Variants in ARHGAP1 observed in about 807,000 individuals in gnomAD.
ARHGAP1 encodes the protein Rho GTPase activating protein 1, also known as rho GTPase-activating protein 1.
Under a neutral mutation model 52.2 loss-of-function variants are expected in ARHGAP1, and 23 were observed. That is an observed-to-expected ratio of 0.44 (90% CI 0.32 to 0.62). The LOEUF is 0.62. Among genes scored for constraint, ARHGAP1 ranks in the 20% least tolerant of loss-of-function variants. The pLI, the probability that ARHGAP1 is intolerant of heterozygous loss-of-function variation, is 0.05. For synonymous variants in ARHGAP1, 210 were observed against 228.4 expected, an observed-to-expected ratio of 0.92 and a Z score of 0.73; for missense variants, 480 against 560.9, an observed-to-expected ratio of 0.86 and a Z score of 1.46.
intron 4 of ARHGAP1, among the ~76,000 whole-genome samples, 160 bp from the exon 5 acceptor site, chr11:46,682,342 T>G (rs1440083396): frequency 6.6e-6 from 1 of 152,140 alleles, no homozygotes; most frequent in East Asian, 1.9e-4. Flanking sequence ...ACCAGGTTGC[T>G]GTGGAGGAGG....
intron 3 of ARHGAP1, 103 bp from the exon 4 acceptor site, chr11:46,688,363 A>C: frequency 8.4e-7 from 1 of 1,196,274 alleles, no homozygotes; most frequent in Non-Finnish European, 1.2e-6. Context: ...GCCAGTTACC[A>C]CAGGGGCCAG....
intron 4 of ARHGAP1, among the ~76,000 whole-genome samples, chr11:46,682,442 G>A (rs2064536144): frequency 6.6e-6 from 1 of 152,228 alleles, no homozygotes; most frequent in Non-Finnish European, 1.5e-5. Flanking sequence ...CCAACACTTT[G>A]GGAGGCCAAG....
chr11:46,695,525 C>G (rs371735455), intron 3 of ARHGAP1, 135 bp downstream of exon 3: 1 of 944,962 alleles, frequency 1.1e-6, no homozygotes, highest in East Asian at 2.6e-5. Flanking sequence ...CACTAGGCCA[C>G]ATGGCTCCCC....
chr11:46,679,348 C>T lies in ARHGAP1; in HGVS notation c.1131+17G>A, dbSNP rs777896991. 1 of 1,613,700 alleles carries T rather than the reference C, an allele frequency of 6.2e-7. No individual in the cohort carries two copies. Among genetic ancestry groups the T allele is most frequent in the Non-Finnish European group, 8.5e-7 (1 of 1,179,728 alleles). On this transcript the variant is annotated intron_variant, in intron 12 of 12. Transcript: ENST00000311956. This position sits in a 1 kb window ranked among gnomAD's most constrained non-coding sequence, Gnocchi z 4.4. ...TTCCCCCTCCCTTCACCCCAGAGGC[C>T]AAGTCCAAGGTCTCACCTGCACCAG...
chr11:46,682,406 G>C (rs1592385200), intron 4 of ARHGAP1, among the ~76,000 whole-genome samples: 1 of 152,218 alleles, frequency 6.6e-6, no homozygotes, highest in Non-Finnish European at 1.5e-5. Flanking sequence ...GCTCTCAGCC[G>C]GGCGCAGTGG....
chr11:46,692,954 G>C (rs923175777), intron 3 of ARHGAP1, among the ~76,000 whole-genome samples: 7 of 151,738 alleles, frequency 4.6e-5, no homozygotes, highest in Non-Finnish European at 2.9e-5. Flanking sequence ...CCGGGTTCAC[G>C]CTATTCTCCT....
intron 3 of ARHGAP1, 117 bp downstream of exon 3, chr11:46,695,543 A>G: frequency 9.0e-7 from 1 of 1,116,560 alleles, no homozygotes; most frequent in Non-Finnish European, 1.3e-6. Context: ...CCCACATGCC[A>G]GGAGCACCAG....
At chr11:46,692,877 G>T (rs1656047355) in intron 3 of ARHGAP1, among the ~76,000 whole-genome samples, 1 of 145,880 alleles carries the variant, frequency 6.9e-6, no homozygotes, top group Non-Finnish European at 1.5e-5. Flanking sequence ...TTTTGAGACG[G>T]CGTCTCGCTC....
intron 1 of ARHGAP1, among the ~76,000 whole-genome samples, chr11:46,697,833 A>G (rs2064667715): frequency 6.6e-6 from 1 of 152,120 alleles, no homozygotes; most frequent in Non-Finnish European, 1.5e-5. Context: ...GCCAAAGCCC[A>G]GCTCCCTCAC....
At chr11:46,684,442 A>G (rs2064552980) in intron 4 of ARHGAP1, among the ~76,000 whole-genome samples, 1 of 152,182 alleles carries the variant, frequency 6.6e-6, no homozygotes. Context: ...GAACGAAAAC[A>G]TTTTTGTAGA....
intron 1 of ARHGAP1, among the ~76,000 whole-genome samples, chr11:46,699,913 T>TA (rs1245304663): frequency 6.6e-6 from 1 of 151,772 alleles, no homozygotes; most frequent in Non-Finnish European, 1.5e-5. Context: ...GGCTCACGTC[T>TA]ATAATCCCAG....
At chr11:46,684,320 T>G (rs2064551987) in intron 4 of ARHGAP1, among the ~76,000 whole-genome samples, 1 of 152,262 alleles carries the variant, frequency 6.6e-6, no homozygotes, top group Non-Finnish European at 1.5e-5. Context: ...ATGGAGGTTA[T>G]GGCCTTTTGT....
rs904364928 is a variant in ARHGAP1, at chr11:46,683,845, C to T, written c.318-1663G>A. Reference sequence around the variant, plus strand: ...AGTAGAGATGGGGTTTCTCCATGTTCGTCAGGCTGGTCTCCAACTCCCAAC... The same window carrying T: ...AGTAGAGATGGGGTTTCTCCATGTTTGTCAGGCTGGTCTCCAACTCCCAAC... On this transcript the variant is annotated intron_variant, in intron 4 of 12. Transcript: ENST00000311956. 4.6e-5 allele frequency among the ~76,000 whole-genome samples: 7 copies of T among 152,200 alleles called. 1 individual carries two copies. Among genetic ancestry groups the T allele is most frequent in the East Asian group, 1.9e-4 (1 of 5,160 alleles).
Position 46,679,056 on chromosome 11 carries a change from G to C in ARHGAP1, c.1301C>G (p.Pro434Arg). Residue 434 changes from proline to arginine, a missense_variant, in exon 13 of 13, where the codon CCG becomes CGG. Pro to Arg is a moderately radical substitution (Grantham distance 103, BLOSUM62 -2). Coordinates refer to ENST00000311956, the MANE Select transcript of ARHGAP1 (RefSeq NM_004308.5). The surrounding 1 kb of genome is among the most constrained non-coding windows in gnomAD (Gnocchi z 4.4). ...CCAGGTTCAGAGCCCGCTGGGGTCC[G>C]GGCTTGGGAACAGCTCCCCTTGGTG... ...LDHQGELFPSPDPSGL is the reference protein window; with the variant it reads ...LDHQGELFPSRDPSGL The C allele has an allele frequency of 6.2e-7, 1 of 1,614,198 alleles. No individual in the cohort carries two copies. Among genetic ancestry groups the C allele is most frequent in the Non-Finnish European group, 8.5e-7 (1 of 1,180,012 alleles).
Position 46,680,134 on chromosome 11 carries a change from G to A in ARHGAP1, c.898+71C>T. 2.7e-6 allele frequency: 4 copies of A among 1,500,544 alleles called. No homozygotes were observed. The highest frequency in any genetic ancestry group is 3.7e-6 in the Non-Finnish European group (4 of 1,078,706). 93.0% of individuals were successfully genotyped at this position (1,500,544 alleles called of 1,614,324 possible). A position where few individuals can be genotyped will look rare whatever the true frequency, so the allele number is the denominator to read the frequency against. ...GAGACTCTGAGACTCTCATTTACAG[G>A]GCAGCAGAGGGCAGAGAAGCCCCCT... On this transcript the variant is annotated intron_variant, in intron 10 of 12. Coordinates refer to ENST00000311956, the MANE Select transcript of ARHGAP1 (RefSeq NM_004308.5). This position sits in a 1 kb window ranked among gnomAD's most constrained non-coding sequence, Gnocchi z 5.9.
rs1592384121 is a variant in ARHGAP1, at chr11:46,680,765, G to A, written c.636-18C>T. 1.3e-6 allele frequency: 2 copies of A among 1,510,748 alleles called. No homozygotes were observed. Among genetic ancestry groups the A allele is most frequent in the Admixed American group, 2.0e-5 (1 of 49,478 alleles). 93.6% of individuals were successfully genotyped at this position (1,510,748 alleles called of 1,614,324 possible). A position where few individuals can be genotyped will look rare whatever the true frequency, so the allele number is the denominator to read the frequency against. ...CGTCATATCTGTAGGAGTAGAGGGA[G>A]GTGGGTCAGGTCCTGCCTGGCTCTG... On this transcript the variant is annotated intron_variant, in intron 7 of 12. Coordinates refer to ENST00000311956, the MANE Select transcript of ARHGAP1 (RefSeq NM_004308.5). This position sits in a 1 kb window ranked among gnomAD's most constrained non-coding sequence, Gnocchi z 5.9.
rs918603252 is a variant in ARHGAP1, at chr11:46,695,340, G to A, written c.229+320C>T. 1.8e-5 allele frequency: 7 copies of A among 393,700 alleles called. No individual in the cohort carries two copies. The Admixed American group carries it at 2.1e-4, about 12-fold the overall frequency. The allele number at this position is 393,700 out of a possible 1,614,324, so 24.4% of individuals were successfully genotyped here. On this transcript the variant is annotated intron_variant, in intron 3 of 12. Coordinates refer to ENST00000311956, the MANE Select transcript of ARHGAP1 (RefSeq NM_004308.5). ...GGGTGGAAAAGCCAACATTAGGGTGGAGGGGTAGGAGGGCAATAGAACGAG... is the reference window on the plus strand; with the variant it reads ...GGGTGGAAAAGCCAACATTAGGGTGAAGGGGTAGGAGGGCAATAGAACGAG...
chr11:46,695,259 A>G, intron 3 of ARHGAP1: 1 of 353,530 alleles, frequency 2.8e-6, no homozygotes, highest in Non-Finnish European at 5.6e-6. Flanking sequence ...AGACTTCCCT[A>G]GGGCTACAAT....
Position 46,680,851 on chromosome 11 carries a change from C to T in ARHGAP1, c.636-104G>A, listed in dbSNP as rs561172563. ...GCGGGGTCAGGAGGATCATCTCATG[C>T]GATCTCTGTAACAACTCCGCTTTCC... On this transcript the variant is annotated intron_variant, in intron 7 of 12. Coordinates refer to ENST00000311956, the MANE Select transcript of ARHGAP1 (RefSeq NM_004308.5). This position sits in a 1 kb window ranked among gnomAD's most constrained non-coding sequence, Gnocchi z 5.9. 18 of 1,080,008 alleles carry T rather than the reference C, an allele frequency of 1.7e-5. No homozygotes were observed. Among genetic ancestry groups the T allele is most frequent in the South Asian group, 9.1e-5 (6 of 65,808 alleles). The allele number at this position is 1,080,008 out of a possible 1,614,324, so 66.9% of individuals were successfully genotyped here.
Sources: allele counts gnomAD v4.1 joint callset (sites outside exome capture counted in the v4.1 genomes callset), GRCh38; gene constraint gnomAD v4.1.1; non-coding constraint Gnocchi (gnomAD v3.1); transcripts MANE v1.5; gene names NCBI Gene and HGNC (gene_info 2026-07-23, HGNC 2026-07-21).